Variants in TACC2 observed in about 807,000 individuals in gnomAD.
The protein encoded by TACC2 is transforming acidic coiled-coil-containing protein 2.
TACC2 carries 137 observed loss-of-function variants against 227.3 expected under a neutral mutation model. The ratio of observed to expected loss-of-function variants is 0.60; its 90% CI spans 0.52 to 0.69. The LOEUF is 0.69. Among genes scored for constraint, TACC2 ranks in the 30% least tolerant of loss-of-function variants. The pLI is 0.00. For synonymous variants in TACC2, 1,523 were observed against 1,487.5 expected (o/e 1.02, Z -0.55); for missense variants, 3,470 against 3,694.4 (o/e 0.94, Z 1.57).
At position 122,084,976 on chromosome 10, in the gene TACC2, T is replaced by G. The variant is rs1591821131; in HGVS notation, c.2476T>G (p.Ser826Ala). The G allele has an allele frequency of 6.2e-7, 1 of 1,614,172 alleles. No homozygotes were observed. Among genetic ancestry groups the G allele is most frequent in the African/African-American group, 1.3e-5 (1 of 75,058 alleles). Residue 826 changes from serine to alanine, a missense_variant, in exon 4 of 23, where the codon TCT (serine) becomes GCT (alanine). Ser to Ala is a moderately conservative substitution (Grantham distance 99). Coordinates refer to ENST00000369005, the MANE Select transcript of TACC2 (RefSeq NM_206862.4). Reference sequence around the variant, plus strand: ...TGCATCCGAGTGGCCCCTACTATCTTCTGAGAAGCATCTCCAGCCATCCCA... The same window carrying G: ...TGCATCCGAGTGGCCCCTACTATCTGCTGAGAAGCATCTCCAGCCATCCCA... ...GAASEWPLLSSEKHLQPSQAQ... is the reference protein window; with the variant it reads ...GAASEWPLLSAEKHLQPSQAQ...
At chr10:122,136,495 A>ATT (rs2089658914) in intron 6 of TACC2, among the ~76,000 whole-genome samples, 1 of 149,892 alleles carries the variant, frequency 6.7e-6, no homozygotes, top group South Asian at 2.1e-4. Context: ...TAAAAATTAA[A>ATT]TTGAAATGAA....
chr10:122,132,299 A>T (rs563125205), intron 5 of TACC2, among the ~76,000 whole-genome samples: 4 of 152,260 alleles, frequency 2.6e-5, no homozygotes, highest in African/African-American at 9.6e-5. Context: ...TAATCCCCAC[A>T]CTTTGGGAGG....
Position 122,087,590 on chromosome 10 carries a change from A to G in TACC2, c.5090A>G (p.Lys1697Arg), listed in dbSNP as rs1465562338. The G allele has an allele frequency of 5.0e-6, 8 of 1,613,570 alleles. No individual in the cohort carries two copies. The African/African-American group carries it at 5.3e-5, about 11-fold the overall frequency. The change falls in exon 4 of 23, where the codon AAG becomes AGG. Residue 1697 changes from lysine (K) to arginine (R), a missense_variant. By Grantham distance (26) the Lys-to-Arg change is conservative. Around this residue, in one of 10 missense-constraint regions of TACC2, gnomAD observed 1,924 missense variants for 1,978.3 expected, o/e 0.97. Transcript: ENST00000369005. ...EVADTPLEPG[K>R]VAGAAGEAEG... Reference sequence around the variant, plus strand: ...GCAGACACTCCCCTGGAGCCTGGCAAGGTGGCAGGCGCTGCTGGGGAAGCA... The same window carrying G: ...GCAGACACTCCCCTGGAGCCTGGCAGGGTGGCAGGCGCTGCTGGGGAAGCA...
At chr10:122,147,617 G>A (rs2091536886) in intron 7 of TACC2, among the ~76,000 whole-genome samples, 1 of 152,132 alleles carries the variant, frequency 6.6e-6, no homozygotes, top group African/African-American at 2.4e-5. Context: ...TTTATTAATT[G>A]ATTCAATCAT....
At chr10:122,145,128 T>G (rs188333044) in intron 7 of TACC2, among the ~76,000 whole-genome samples, 28 of 152,344 alleles carry the variant, frequency 1.8e-4, no homozygotes, top group African/African-American at 6.7e-4. Flanking sequence ...CAGTTTCTTA[T>G]AAAGGTAAAC....
At position 122,054,481 on chromosome 10, in the gene TACC2, G is replaced by A. The variant is rs573290716; in HGVS notation, c.146+3931G>A. Among the ~76,000 whole-genome samples, 3 of 152,318 alleles carry A rather than the reference G, an allele frequency of 2.0e-5. No homozygotes were observed. In the South Asian group the frequency reaches 6.2e-4, roughly 32 times the overall value. ...TTGGATATCATCAACCAGGGACTGA[G>A]CAGCTTTTTCCTTTTAGATCCTTAA... On this transcript the variant is annotated intron_variant, in intron 3 of 22. Transcript: ENST00000369005.
intron 3 of TACC2, among the ~76,000 whole-genome samples, chr10:122,057,792 C>T (rs1189083940): frequency 2.6e-5 from 4 of 152,096 alleles, no homozygotes; most frequent in Non-Finnish European, 5.9e-5. Context: ...AGCCATTGCA[C>T]TCCAGCCTGG....
At chr10:122,034,619 G>T (rs887210397) in intron 2 of TACC2, among the ~76,000 whole-genome samples, 3 of 152,158 alleles carry the variant, frequency 2.0e-5, no homozygotes, top group African/African-American at 7.2e-5. Context: ...GCCTTATACT[G>T]CAAGATGGCT....
chr10:122,111,534 A>T (rs146291137), intron 5 of TACC2, among the ~76,000 whole-genome samples: 1,820 of 152,306 alleles, frequency 0.012, 53 homozygotes, highest in African/African-American at 0.041. Context: ...CTCTGTCGCC[A>T]GGCTGGAGTG....
At chr10:122,069,629 T>G (rs1007975657) in intron 3 of TACC2, among the ~76,000 whole-genome samples, 5 of 152,182 alleles carry the variant, frequency 3.3e-5, no homozygotes, top group Admixed American at 6.5e-5. Flanking sequence ...CCAACCCTTC[T>G]TGTAGTTAAT....
intron 3 of TACC2, among the ~76,000 whole-genome samples, chr10:122,053,212 C>T (rs930427640): frequency 3.9e-5 from 6 of 152,042 alleles, no homozygotes; most frequent in African/African-American, 1.2e-4. Context: ...CTCACAATCA[C>T]GGTGGAAGGC....
intron 7 of TACC2, among the ~76,000 whole-genome samples, chr10:122,144,410 A>C (rs1248480065): frequency 6.6e-6 from 1 of 152,218 alleles, no homozygotes; most frequent in Non-Finnish European, 1.5e-5. Context: ...CCATGCAAGC[A>C]GTTGGTTTTG....
intron 20 of TACC2, 82 bp downstream of exon 20, chr10:122,248,885 A>G: frequency 1.3e-6 from 2 of 1,587,214 alleles, no homozygotes; most frequent in African/African-American, 1.3e-5. Context: ...GTAGGATTCC[A>G]GAAGTTGGTC....
At chr10:121,991,987 T>C (rs1203932328) in intron 1 of TACC2, among the ~76,000 whole-genome samples, 4 of 152,152 alleles carry the variant, frequency 2.6e-5, no homozygotes, top group African/African-American at 4.8e-5. Context: ...TTCGTGAGAC[T>C]TATTCACTAT....
intron 9 of TACC2, chr10:122,213,477 T>A: frequency 3.3e-6 from 4 of 1,222,360 alleles, no homozygotes; most frequent in Non-Finnish European, 4.8e-6. Context: ...CTCTGGCTGC[T>A]ACTGATGTGT....
intron 2 of TACC2, among the ~76,000 whole-genome samples, chr10:122,035,216 C>T (rs546280518): frequency 1.6e-4 from 24 of 152,264 alleles, no homozygotes; most frequent in African/African-American, 2.4e-4. Context: ...GCTCCCACGT[C>T]GTGATGTGAC....
rs1267690614 is a variant in TACC2, at chr10:122,084,479, C to T, written c.1979C>T (p.Pro660Leu). 6.2e-7 allele frequency: 1 copy of T among 1,613,274 alleles called. No homozygotes were observed. The highest frequency in any genetic ancestry group is 8.5e-7 in the Non-Finnish European group (1 of 1,180,012). ...GCAGAGGCTGATGCATCTGGCCTAC[C>T]ACACAAGCTGGGTGAGGAGGACCCC... ...QTAEADASGL[P>L]HKLGEEDPVL... The change falls in exon 4 of 23, where the codon CCA becomes CTA. Residue 660 changes from proline (P) to leucine (L), a missense_variant. By Grantham distance (98) the Pro-to-Leu change is moderately conservative. Around this residue, in one of 10 missense-constraint regions of TACC2, gnomAD observed 1,924 missense variants for 1,978.3 expected, o/e 0.97. Coordinates refer to ENST00000369005, the MANE Select transcript of TACC2 (RefSeq NM_206862.4).
At chr10:122,114,871 T>C (rs1409391609) in intron 5 of TACC2, among the ~76,000 whole-genome samples, 1 of 152,228 alleles carries the variant, frequency 6.6e-6, no homozygotes, top group African/African-American at 2.4e-5. Flanking sequence ...CGTCCTCTTT[T>C]CTCTCTTAAA....
intron 5 of TACC2, among the ~76,000 whole-genome samples, chr10:122,127,301 C>T (rs574949105): frequency 3.3e-4 from 51 of 152,334 alleles, no homozygotes; most frequent in Non-Finnish European, 6.2e-4. Context: ...TGTGTGATCC[C>T]CATGGAATCC....
Sources: gnomAD v4.1 joint callset for allele counts (sites outside exome capture counted in the v4.1 genomes callset) on GRCh38, gnomAD v4.1.1 for gene constraint, gnomAD v4.1.1 regional missense constraint, MANE v1.5 for transcripts, NCBI Gene and HGNC (gene_info 2026-07-23, HGNC 2026-07-21) for gene names.